The following NAV3 variants were observed in gnomAD, a reference collection of about 807,000 sequenced individuals.
NAV3 encodes neuron navigator 3, also known as pore membrane and/or filament interacting like protein 1.
A neutral mutation model predicts 244.7 loss-of-function variants in NAV3; 87 were observed. That is an observed-to-expected ratio of 0.36 (90% confidence interval 0.30 to 0.42). NAV3 has a LOEUF of 0.42. NAV3 is among the 20% of genes least tolerant of loss of function. The pLI, the probability that NAV3 is intolerant of heterozygous loss-of-function variation, is 1.00. For missense variants in NAV3, 2,663 were observed against 2,893.3 expected, an observed-to-expected ratio of 0.92 and a Z score of 1.83; for synonymous variants, 1,126 against 1,042.2, an observed-to-expected ratio of 1.08 and a Z score of -1.55.
intron 12 of NAV3, among the ~76,000 whole-genome samples, chr12:78,109,152 C>T (rs1339271823): frequency 6.6e-6 from 1 of 151,870 alleles, no homozygotes; most frequent in Non-Finnish European, 1.5e-5. Context: ...TAAAAAGGAT[C>T]ATCAGAGACT....
At position 77,956,344 on chromosome 12, in the gene NAV3, C is replaced by T. The variant is rs143333515; in HGVS notation, c.415-9885C>T. Reference sequence around the variant, plus strand: ...CAAGTCACAAAAGAATCTACCTTCCCGAAATATCCAAAGTTAGGATTGGTT... The same window carrying T: ...CAAGTCACAAAAGAATCTACCTTCCTGAAATATCCAAAGTTAGGATTGGTT... On this transcript the variant is annotated intron_variant, in intron 3 of 39. Transcript: ENST00000397909. Among the ~76,000 whole-genome samples the T allele has an allele frequency of 6.6e-5, 10 of 152,168 alleles. No individual in the cohort carries two copies. The East Asian group carries it at 1.5e-3, about 24-fold the overall frequency.
intron 2 of NAV3, among the ~76,000 whole-genome samples, chr12:77,705,416 A>G (rs1263798390): frequency 1.3e-5 from 2 of 151,418 alleles, no homozygotes; most frequent in Non-Finnish European, 2.9e-5. Flanking sequence ...AAAAACAAAC[A>G]AACAAAACTA....
rs371782317 is a variant in NAV3 at position 78,119,382 on chromosome 12, C to T, written c.3186C>T (p.Thr1062=). The change falls in exon 15 of 40, where the codon ACC becomes ACT. Residue 1062 remains threonine (T), a synonymous_variant. Transcript: ENST00000397909. ...CAGGCATTGGAAGATCGACTGCCAC[C>T]AGCTCCTTTGGCTTTAAGAAACCAA... ...PPSGIGRSTA[T]SSFGFKKPSG... 7.7e-5 allele frequency: 124 copies of T among 1,614,022 alleles called. 1 individual carries two copies. The highest frequency in any genetic ancestry group is 1.0e-4 in the Non-Finnish European group (121 of 1,180,032).
chr12:78,024,363 A>G (rs990409361), intron 9 of NAV3, among the ~76,000 whole-genome samples: 1 of 152,008 alleles, frequency 6.6e-6, no homozygotes, highest in African/African-American at 2.4e-5. Flanking sequence ...ATGACCTCCA[A>G]CCTCAAGTGA....
At chr12:78,151,552 T>A (rs1188203296) in intron 22 of NAV3, among the ~76,000 whole-genome samples, 1 of 151,990 alleles carries the variant, frequency 6.6e-6, no homozygotes, top group Non-Finnish European at 1.5e-5. Context: ...TTTTGTATAA[T>A]TCCATTTATA....
intron 2 of NAV3, among the ~76,000 whole-genome samples, chr12:77,758,152 G>A (rs1015639680): frequency 2.6e-5 from 4 of 151,942 alleles, no homozygotes; most frequent in South Asian, 2.1e-4. Flanking sequence ...ATTGCATTTC[G>A]TCAGAGATGC....
intron 12 of NAV3, among the ~76,000 whole-genome samples, chr12:78,091,912 T>C (rs1425536576): frequency 6.6e-6 from 1 of 152,168 alleles, no homozygotes; most frequent in Admixed American, 6.5e-5. Flanking sequence ...TCCTGCATAG[T>C]ACATTCCCAA....
chr12:78,133,242 T>C (rs1593724235), intron 18 of NAV3, among the ~76,000 whole-genome samples: 1 of 152,142 alleles, frequency 6.6e-6, no homozygotes, highest in South Asian at 2.1e-4. Context: ...TTATGCTGTA[T>C]GGTTTCAGAG....
Position 78,025,595 on chromosome 12 carries a change from C to CAAAAA in NAV3, c.2023+3757_2023+3761dup, listed in dbSNP as rs1186694789. Among the ~76,000 whole-genome samples, 8 of 55,564 alleles carry CAAAAA rather than the reference C, an allele frequency of 1.4e-4. 1 individual carries two copies. Among genetic ancestry groups the CAAAAA allele is most frequent in the East Asian group, 9.4e-4 (2 of 2,126 alleles). The allele number at this position is 55,564 out of a possible 152,430, so 36.5% of individuals were successfully genotyped here. A position where few individuals can be genotyped will look rare whatever the true frequency, so the allele number is the denominator to read the frequency against. ...TGGGTGACAGAGCTAGACTCCATCT[C>CAAAAA]AAAAAAAAAAAAAAAAAAAAAAAAA... On this transcript the variant is annotated intron_variant, in intron 9 of 39. Coordinates refer to ENST00000397909, the MANE Select transcript of NAV3 (RefSeq NM_001024383.2).
intron 1 of NAV3, among the ~76,000 whole-genome samples, chr12:77,885,575 A>C (rs865918023): frequency 6.6e-6 from 1 of 152,128 alleles, no homozygotes; most frequent in Non-Finnish European, 1.5e-5. Flanking sequence ...TATTTTTGTG[A>C]ATCAAAAATT....
At chr12:77,605,804 A>T (rs756976547) in intron 2 of NAV3, among the ~76,000 whole-genome samples, 1 of 151,628 alleles carries the variant, frequency 6.6e-6, no homozygotes, top group South Asian at 2.1e-4. Context: ...GGGGCATTGC[A>T]CTCCAGCCTC....
chr12:77,689,669 A>C (rs1343844396), intron 2 of NAV3, among the ~76,000 whole-genome samples: 1 of 151,916 alleles, frequency 6.6e-6, no homozygotes, highest in Non-Finnish European at 1.5e-5. Flanking sequence ...AAAAATTATA[A>C]GGAACCTAAA....
Position 78,119,877 on chromosome 12 carries a change from C to T in NAV3, c.3681C>T (p.Ala1227=), listed in dbSNP as rs560809384. The T allele has an allele frequency of 1.9e-5, 31 of 1,614,176 alleles. No individual in the cohort carries two copies. In the South Asian group the frequency reaches 3.3e-4, roughly 17 times the overall value. The change falls in exon 15 of 40, where the codon GCC becomes GCT. Residue 1227 remains alanine, a synonymous_variant. Transcript: ENST00000397909. ...SPKSSPTSAS[A]CGAQGLRQPG... is the part of the protein sequence containing the mutation. ...AATCCAGCCCCACCTCTGCCAGCGC[C>T]TGTGGTGCACAAGGTCTCAGGCAGC...
At chr12:77,685,264 T>C (rs1874667219) in intron 2 of NAV3, among the ~76,000 whole-genome samples, 1 of 152,212 alleles carries the variant, frequency 6.6e-6, no homozygotes, top group African/African-American at 2.4e-5. Context: ...GTGTGTAACA[T>C]GCCACGAAAT....
At chr12:78,092,686 A>G (rs1000949485) in intron 12 of NAV3, among the ~76,000 whole-genome samples, 9 of 151,058 alleles carry the variant, frequency 6.0e-5, no homozygotes, top group Non-Finnish European at 1.3e-4. Context: ...TTTTTAGTAG[A>G]GACTGGGGTT....
chr12:77,767,000 C>T (rs1199927897), intron 2 of NAV3, among the ~76,000 whole-genome samples: 5 of 151,918 alleles, frequency 3.3e-5, no homozygotes, highest in South Asian at 2.1e-4. Flanking sequence ...GTGATCAGCC[C>T]GCCTTGGCCT....
chr12:77,605,030 G>A (rs561260173), intron 2 of NAV3, among the ~76,000 whole-genome samples: 1 of 152,128 alleles, frequency 6.6e-6, no homozygotes, highest in African/African-American at 2.4e-5. Flanking sequence ...GATGGACTGA[G>A]GATTCAATAC....
In NAV3 at chr12:78,121,877, A is replaced by G. The variant is rs1955683933; in HGVS notation, c.3750-63A>G. 3 of 1,584,670 alleles carry G rather than the reference A, an allele frequency of 1.9e-6. No homozygotes were observed. The Admixed American group carries it at 5.1e-5, about 27-fold the overall frequency. On this transcript the variant is annotated intron_variant, in intron 15 of 39. Coordinates refer to ENST00000397909, the MANE Select transcript of NAV3 (RefSeq NM_001024383.2). ...ACTTGGCTCTGTGTACTGTAACCCG[A>G]AATATTAAATGTGGATATTAGCTTC...
intron 2 of NAV3, among the ~76,000 whole-genome samples, chr12:77,616,739 C>G (rs1871158613): frequency 6.6e-6 from 1 of 152,000 alleles, no homozygotes; most frequent in African/African-American, 2.4e-5. Context: ...CGCACACACA[C>G]ACACACACAC....
Sources: allele counts gnomAD v4.1 joint callset (sites outside exome capture counted in the v4.1 genomes callset), GRCh38; gene constraint gnomAD v4.1.1; transcripts MANE v1.5; gene names NCBI Gene and HGNC (gene_info 2026-07-23, HGNC 2026-07-21).